SELENOF: variants seen among roughly 807,000 people sequenced by gnomAD.
SELENOF encodes 15 kDa selenoprotein.
Under a neutral mutation model 20.5 loss-of-function variants are expected in SELENOF, and 16 were observed. That is an observed-to-expected ratio of 0.78 (90% CI 0.53 to 1.19). The LOEUF is 1.19. Ranked by LOEUF, SELENOF falls within the 50% of genes most tolerant of loss-of-function variation. The probability of loss-of-function intolerance (pLI) is 0.00; values close to 1 mark genes in which losing one functional copy is unlikely to be tolerated. For missense variants in SELENOF, 215 were observed against 194.2 expected, an observed-to-expected ratio of 1.11 and a Z score of -0.64; for synonymous variants, 78 against 74.5, an observed-to-expected ratio of 1.05 and a Z score of -0.24.
chr1:86,914,461 T>G, upstream of SELENOF: 1 of 344,228 alleles, frequency 2.9e-6, no homozygotes. Flanking sequence ...GATTGAGCTC[T>G]GTGGCAGAGG....
chr1:86,903,577 TA>T, intron 1 of SELENOF, 129 bp from the exon 2 acceptor site: 1 of 624,930 alleles, frequency 1.6e-6, no homozygotes, highest in Non-Finnish European at 2.5e-6. Context: ...CATTTGGAGA[TA>T]AATTCTTTTA....
At chr1:86,869,757 C>CTTTT (rs1658709058) in intron 3 of SELENOF, among the ~76,000 whole-genome samples, 1 of 150,112 alleles carries the variant, frequency 6.7e-6, no homozygotes, top group African/African-American at 2.5e-5. Context: ...TTCTTTCTTT[C>CTTTT]TTTCTTTTTT....
intron 2 of SELENOF, among the ~76,000 whole-genome samples, chr1:86,899,587 G>A (rs1307337624): frequency 1.3e-5 from 2 of 150,576 alleles, no homozygotes; most frequent in Admixed American, 6.6e-5. Flanking sequence ...GGCCGGGCAG[G>A]GGGCTGACCC....
At chr1:86,894,580 T>G (rs1054834997) in intron 2 of SELENOF, among the ~76,000 whole-genome samples, 2 of 152,170 alleles carry the variant, frequency 1.3e-5, no homozygotes, top group Non-Finnish European at 2.9e-5. Context: ...TGGTTTATGC[T>G]TGTAATCCCA....
At chr1:86,910,083 T>C (rs1455192053) in intron 1 of SELENOF, among the ~76,000 whole-genome samples, 2 of 152,264 alleles carry the variant, frequency 1.3e-5, no homozygotes, top group African/African-American at 4.8e-5. Flanking sequence ...TGCATTCTAT[T>C]GAAACATCTT....
intron 3 of SELENOF, among the ~76,000 whole-genome samples, chr1:86,878,376 TG>T (rs1294507688): frequency 6.6e-6 from 1 of 152,192 alleles, no homozygotes; most frequent in East Asian, 1.9e-4. Flanking sequence ...TACTTGATGT[TG>T]AAGATAAAGA....
At chr1:86,909,071 G>C (rs1053550533) in intron 1 of SELENOF, among the ~76,000 whole-genome samples, 5 of 152,176 alleles carry the variant, frequency 3.3e-5, no homozygotes, top group Admixed American at 3.3e-4. Context: ...CCCAATGACA[G>C]TTTTATCCAT....
intron 2 of SELENOF, among the ~76,000 whole-genome samples, chr1:86,896,302 A>G (rs1402001977): frequency 6.6e-6 from 1 of 152,082 alleles, no homozygotes; most frequent in Non-Finnish European, 1.5e-5. Flanking sequence ...AAAGTTCTAA[A>G]ATAACATCTC....
Position 86,914,116 on chromosome 1 carries a change from C to CCCCATTTTAATGGACCA in SELENOF, c.-6_-5insTGGTCCATTAAAATGGG. On this transcript the variant is annotated 5_prime_UTR_variant, in exon 1 of 5. The change creates a new upstream start codon in the 5' untranslated region. Transcript: ENST00000331835. ...CCCAGCCGCCATCGCTACCATTTTC[C>CCCCATTTTAATGGACCA]GCAGGTTTCTGGCTGCCTAGAAGGA... 6.2e-7 allele frequency: 1 copy of CCCCATTTTAATGGACCA among 1,611,620 alleles called. No individual in the cohort carries two copies. Among genetic ancestry groups the CCCCATTTTAATGGACCA allele is most frequent in the Non-Finnish European group, 8.5e-7 (1 of 1,177,814 alleles).
At chr1:86,867,525 A>C in intron 4 of SELENOF, among the ~76,000 whole-genome samples, 1 of 151,672 alleles carries the variant, frequency 6.6e-6, no homozygotes, top group Non-Finnish European at 1.5e-5. Context: ...CAACAACAAC[A>C]ACAAATCAGT....
intron 2 of SELENOF, among the ~76,000 whole-genome samples, chr1:86,893,481 G>A (rs187310583): frequency 0.015 from 2,313 of 151,618 alleles, 65 homozygotes; most frequent in African/African-American, 0.053. Flanking sequence ...AGCCGGGCGT[G>A]GTGGTGCACA....
At chr1:86,888,978 C>T (rs1659306786) in intron 2 of SELENOF, among the ~76,000 whole-genome samples, 1 of 152,138 alleles carries the variant, frequency 6.6e-6, no homozygotes, top group African/African-American at 2.4e-5. Flanking sequence ...TATCTGAAAA[C>T]AATAAGAAAC....
chr1:86,894,839 AAACAACAACAAC>A (rs371203807), intron 2 of SELENOF, among the ~76,000 whole-genome samples: 56 of 151,960 alleles, frequency 3.7e-4, no homozygotes, highest in Admixed American at 1.2e-3. Flanking sequence ...CCTATCTCTA[AAACAACAACAAC>A]AACAACAACA....
chr1:86,895,342 T>A (rs1342815694), intron 2 of SELENOF, among the ~76,000 whole-genome samples: 1 of 152,218 alleles, frequency 6.6e-6, no homozygotes, highest in East Asian at 1.9e-4. Context: ...CTTTCTGGCT[T>A]TTATCATCAG....
chr1:86,893,581 G>A (rs1029971429), intron 2 of SELENOF, among the ~76,000 whole-genome samples: 1 of 151,820 alleles, frequency 6.6e-6, no homozygotes, highest in Non-Finnish European at 1.5e-5. Flanking sequence ...TTGCACCACT[G>A]TACTCCAGCC....
At chr1:86,885,441 G>A (rs1391818649) in intron 2 of SELENOF, among the ~76,000 whole-genome samples, 21 of 152,100 alleles carry the variant, frequency 1.4e-4, no homozygotes. Context: ...GAACAAAGGT[G>A]ACACTTGAGA....
rs35815295 is a variant in SELENOF, at chr1:86,863,808, C to CTCAT, written c.367-207_367-204dup. ...AAAAAAAGGAGAATTAAAAAAATCA[C>CTCAT]TCATTCATTCATTCATTCATTCATG... On this transcript the variant is annotated intron_variant, in intron 4 of 4. Coordinates refer to ENST00000331835, the MANE Select transcript of SELENOF (RefSeq NM_004261.5). Among the ~76,000 whole-genome samples, 307 of 151,628 alleles carry CTCAT rather than the reference C, an allele frequency of 2.0e-3. 1 individual carries two copies. The highest frequency in any genetic ancestry group is 0.014 in the East Asian group (74 of 5,174).
At chr1:86,900,320 C>T (rs1304013689) in intron 2 of SELENOF, among the ~76,000 whole-genome samples, 1 of 152,198 alleles carries the variant, frequency 6.6e-6, no homozygotes, top group African/African-American at 2.4e-5. Flanking sequence ...GTGAACCAGA[C>T]ACCGTCTGCA....
chr1:86,891,466 T>G (rs188053800), intron 2 of SELENOF, among the ~76,000 whole-genome samples: 25 of 152,334 alleles, frequency 1.6e-4, no homozygotes, highest in Non-Finnish European at 3.1e-4. Context: ...GAGGTGGGTA[T>G]GTCTAGGAAA....
Sources: allele counts gnomAD v4.1 joint callset (sites outside exome capture counted in the v4.1 genomes callset), GRCh38; gene constraint gnomAD v4.1.1; transcripts MANE v1.5; gene names NCBI Gene and HGNC (gene_info 2026-07-23, HGNC 2026-07-21).